The following PARL variants were observed in gnomAD, a reference collection of about 807,000 sequenced individuals.
PARL encodes presenilin associated rhomboid like.
PARL carries 44 observed loss-of-function variants against 51.6 expected under a neutral mutation model. The ratio of observed to expected loss-of-function variants is 0.85; its 90% CI spans 0.67 to 1.10. The LOEUF (loss-of-function observed/expected upper bound fraction) is 1.10, where lower values mean the gene tolerates loss of function less well. PARL is among the 50% of genes least tolerant of loss of function. The pLI is 0.00. For missense variants in PARL, 441 were observed against 469.5 expected, an observed-to-expected ratio of 0.94 and a Z score of 0.56; for synonymous variants, 172 against 164.0, an observed-to-expected ratio of 1.05 and a Z score of -0.37.
intron 6 of PARL, among the ~76,000 whole-genome samples, chr3:183,841,283 A>G (rs1271286283): frequency 6.6e-6 from 1 of 152,230 alleles, no homozygotes; most frequent in Non-Finnish European, 1.5e-5. Context: ...TAACTACAAC[A>G]TAACTAGTGC....
chr3:183,843,127 A>G (rs1370956806), intron 5 of PARL: 1 of 808,484 alleles, frequency 1.2e-6, no homozygotes, highest in Non-Finnish European at 1.5e-6. Context: ...CAAGCAGTTC[A>G]CCTGCCTCAG....
chr3:183,860,810 G>A (rs1025176185), intron 4 of PARL, among the ~76,000 whole-genome samples: 55 of 131,670 alleles, frequency 4.2e-4, no homozygotes, highest in Non-Finnish European at 7.3e-4. Context: ...TCTTAATTTC[G>A]TTACTTTTTT....
chr3:183,844,371 C>T, intron 4 of PARL, 45 bp from the exon 5 acceptor site: 2 of 1,222,120 alleles, frequency 1.6e-6, no homozygotes, highest in East Asian at 2.4e-5. Flanking sequence ...AAAATGAAAG[C>T]AGGAAAGTCT....
chr3:183,861,777 TA>T (rs1731860238), intron 4 of PARL, among the ~76,000 whole-genome samples: 1 of 152,144 alleles, frequency 6.6e-6, no homozygotes, highest in South Asian at 2.1e-4. Context: ...TTAAAAAACT[TA>T]AAAAAAATTT....
At chr3:183,882,388 TATATGCAC>T (rs1159192523) in intron 1 of PARL, among the ~76,000 whole-genome samples, 2 of 83,298 alleles carry the variant, frequency 2.4e-5, no homozygotes, top group Non-Finnish European at 4.5e-5. Flanking sequence ...TATATACATA[TATATGCAC>T]ATATACACAC....
chr3:183,847,751 T>A (rs75852391), intron 4 of PARL, among the ~76,000 whole-genome samples: 6,673 of 152,162 alleles, frequency 0.044, 480 homozygotes, highest in African/African-American at 0.15. Context: ...GGCACTTTAT[T>A]CCCTCATTTG....
At chr3:183,850,604 C>A (rs1730440673) in intron 4 of PARL, among the ~76,000 whole-genome samples, 1 of 152,186 alleles carries the variant, frequency 6.6e-6, no homozygotes, top group Admixed American at 6.5e-5. Context: ...TAACACCAAT[C>A]CTTCTCAAAC....
At chr3:183,858,379 T>C (rs1315178744) in intron 4 of PARL, among the ~76,000 whole-genome samples, 1 of 152,124 alleles carries the variant, frequency 6.6e-6, no homozygotes, top group Non-Finnish European at 1.5e-5. Context: ...GAAAAAAGAA[T>C]AGACTTTAGA....
intron 6 of PARL, among the ~76,000 whole-genome samples, chr3:183,841,345 C>CT (rs925126420): frequency 1.3e-5 from 2 of 152,152 alleles, no homozygotes; most frequent in Non-Finnish European, 2.9e-5. Flanking sequence ...TGCTCAGCTT[C>CT]TTTTTTTGAA....
chr3:183,884,866 C>A lies in PARL; in HGVS notation c.-20G>T, dbSNP rs751895114. 1 of 1,596,660 alleles carries A rather than the reference C, an allele frequency of 6.3e-7. No homozygotes were observed. The highest frequency in any genetic ancestry group is 1.7e-5 in the Admixed American group (1 of 59,920). ...CGCCATCTTCCCAACCTCTGCCCCA[C>A]CATGGCCCGACCTTACCAACCCCAG... is the stretch of plus-strand genomic sequence containing the variant. On this transcript the variant is annotated 5_prime_UTR_variant, in exon 1 of 10. Transcript: ENST00000317096.
chr3:183,851,980 C>G (rs1359554023), intron 4 of PARL, among the ~76,000 whole-genome samples: 1 of 152,072 alleles, frequency 6.6e-6, no homozygotes, highest in Non-Finnish European at 1.5e-5. Flanking sequence ...GGCAACTTGG[C>G]AAGACCTCAT....
At position 183,884,791 on chromosome 3, in the gene PARL, G is replaced by T. The variant is rs1734949011; in HGVS notation, c.56C>A (p.Ala19Glu). The T allele has an allele frequency of 2.5e-6, 4 of 1,592,312 alleles. No individual in the cohort carries two copies. The highest frequency in any genetic ancestry group is 3.4e-6 in the Non-Finnish European group (4 of 1,176,074). The part of the protein sequence containing the change: ...RGWGCGQAWG[A>E]SVGGRSCEEL... ...CTCGCAGCTGCGGCCGCCCACCGAC[G>T]CACCCCACGCCTGGCCGCAGCCCCA... The change falls in exon 1 of 10, where the codon GCG (alanine) becomes GAG (glutamate). Residue 19 changes from alanine (A) to glutamate (E), a missense_variant. Transcript: ENST00000317096.
In PARL at chr3:183,833,838, A is replaced by C. The variant is rs1484222891; in HGVS notation, c.829-13T>G. ...TGATGGCACCAGACTGCAAAGTAAC[A>C]CAGCAGGGAGAATGGGAAACTCAAT... On this transcript the variant is annotated splice_polypyrimidine_tract_variant and intron_variant, in intron 7 of 9. Coordinates refer to ENST00000317096, the MANE Select transcript of PARL (RefSeq NM_018622.7). 2 of 1,556,052 alleles carry C rather than the reference A, an allele frequency of 1.3e-6. No individual in the cohort carries two copies. The highest frequency in any genetic ancestry group is 1.8e-6 in the Non-Finnish European group (2 of 1,126,878).
chr3:183,870,005 CA>C (rs1732986103), intron 1 of PARL, among the ~76,000 whole-genome samples: 1 of 151,716 alleles, frequency 6.6e-6, no homozygotes, highest in Non-Finnish European at 1.5e-5. Context: ...GGGCCGGGCA[CA>C]GTGGCTCACG....
At chr3:183,842,588 T>C in intron 5 of PARL, 141 bp from the exon 6 acceptor site, 1 of 715,802 alleles carries the variant, frequency 1.4e-6, no homozygotes, top group Non-Finnish European at 2.4e-6. Flanking sequence ...GGCAGGCGGA[T>C]CACTAAGTCA....
intron 1 of PARL, among the ~76,000 whole-genome samples, chr3:183,881,121 ATTTTTTTTT>A (rs10589229): frequency 7.2e-6 from 1 of 139,626 alleles, no homozygotes; most frequent in Non-Finnish European, 1.5e-5. Flanking sequence ...GCCTTTGTGC[ATTTTTTTTT>A]TTTTTTTTCA....
chr3:183,840,617 A>G lies in PARL; in HGVS notation c.781T>C (p.Tyr261His). 1 of 1,547,440 alleles carries G rather than the reference A, an allele frequency of 6.5e-7. No homozygotes were observed. Among genetic ancestry groups the G allele is most frequent in the Non-Finnish European group, 8.9e-7 (1 of 1,124,494 alleles). Residue 261 changes from tyrosine to histidine, a missense_variant, in exon 7 of 10, where the codon TAC becomes CAC. Transcript: ENST00000317096. ...SAGVISNFVS[Y>H]VGKVATGRYG... is the part of the protein sequence containing the mutation. The stretch of plus-strand genomic sequence containing the variant: ...CTTCCTGTGGCAACTTTACCCACGT[A>G]ACTGACAAAATTGGAAATAACACCT...
intron 9 of PARL, among the ~76,000 whole-genome samples, chr3:183,831,149 T>C (rs769991261): frequency 8.5e-5 from 13 of 152,294 alleles, no homozygotes; most frequent in Admixed American, 3.3e-4. Context: ...CTAATTTTTG[T>C]ATTTTTAGTA....
chr3:183,827,327 GC>G (rs1329459990), downstream of PARL, among the ~76,000 whole-genome samples: 3 of 152,066 alleles, frequency 2.0e-5, no homozygotes, highest in Non-Finnish European at 4.4e-5. Flanking sequence ...GGTAGTGTGT[GC>G]CTGCAGTGCC....
Sources: gnomAD v4.1 joint callset for allele counts (sites outside exome capture counted in the v4.1 genomes callset) on GRCh38, gnomAD v4.1.1 for gene constraint, MANE v1.5 for transcripts, NCBI Gene and HGNC (gene_info 2026-07-23, HGNC 2026-07-21) for gene names.